LRFN5: variants seen among roughly 807,000 people sequenced by gnomAD.
The protein encoded by LRFN5 is leucine rich repeat and fibronectin type III domain containing 5, also known as leucine-rich repeat and fibronectin type-III domain-containing protein 5.
In LRFN5, 24 loss-of-function variants were observed where a neutral mutation model predicts 45.6. That is an observed-to-expected ratio of 0.53 (90% confidence interval 0.38 to 0.74). The LOEUF (loss-of-function observed/expected upper bound fraction) is 0.74. Ranked by LOEUF, LRFN5 falls within the 30% of genes least tolerant of loss-of-function variation. The pLI, the probability that LRFN5 is intolerant of heterozygous loss-of-function variation, is 0.00. For synonymous variants in LRFN5, 340 were observed against 313.8 expected (o/e 1.08, Z -0.88); for missense variants, 776 against 861.5 (o/e 0.90, Z 1.24).
At chr14:41,862,861 C>CTTTTTTTTTTTTTTTTTTT (rs536861522) in intron 2 of LRFN5, among the ~76,000 whole-genome samples, 1 of 110,232 alleles carries the variant, frequency 9.1e-6, no homozygotes, top group East Asian at 2.7e-4. Context: ...TTAAGTCTCT[C>CTTTTTTTTTTTTTTTTTTT]TTTTTTTTTT....
At chr14:41,687,963 A>T (rs2138698635) in intron 1 of LRFN5, among the ~76,000 whole-genome samples, 1 of 152,356 alleles carries the variant, frequency 6.6e-6, no homozygotes, top group African/African-American at 2.4e-5. Context: ...CAATAAAAAA[A>T]GAAAAGCTTG....
intron 4 of LRFN5, 140 bp downstream of exon 4, chr14:41,892,102 T>C: frequency 9.0e-6 from 13 of 1,445,804 alleles, no homozygotes; most frequent in South Asian, 1.5e-5. Flanking sequence ...TGTCTATGAA[T>C]GTGATGTTTA....
At chr14:41,679,791 G>C (rs1478151468) in intron 1 of LRFN5, among the ~76,000 whole-genome samples, 1 of 152,178 alleles carries the variant, frequency 6.6e-6, no homozygotes, top group Non-Finnish European at 1.5e-5. Context: ...CAATGGAGTA[G>C]AGAATCAAGC....
chr14:41,860,809 T>G (rs1889634466), intron 2 of LRFN5, among the ~76,000 whole-genome samples: 1 of 152,162 alleles, frequency 6.6e-6, no homozygotes, highest in Non-Finnish European at 1.5e-5. Context: ...GACATAGGAC[T>G]TCTTTAGCAG....
intron 2 of LRFN5, among the ~76,000 whole-genome samples, chr14:41,782,663 G>C (rs1372392450): frequency 6.6e-6 from 1 of 152,114 alleles, no homozygotes; most frequent in African/African-American, 2.4e-5. Context: ...GAGGATTTAT[G>C]TTCATTTGGC....
intron 1 of LRFN5, among the ~76,000 whole-genome samples, chr14:41,732,057 T>C (rs572771854): frequency 1.2e-4 from 19 of 152,328 alleles, no homozygotes; most frequent in Non-Finnish European, 2.5e-4. Context: ...CTGAAGCCTA[T>C]TGAAGTCTTG....
chr14:41,778,037 A>C (rs1404215711), intron 2 of LRFN5, among the ~76,000 whole-genome samples: 1 of 149,160 alleles, frequency 6.7e-6, no homozygotes, highest in Non-Finnish European at 1.5e-5. Flanking sequence ...AGAGGGGAAG[A>C]TTATACTTTT....
At chr14:41,663,748 C>A (rs531480231) in intron 1 of LRFN5, among the ~76,000 whole-genome samples, 16 of 151,994 alleles carry the variant, frequency 1.1e-4, no homozygotes, top group Middle Eastern at 3.4e-3. Flanking sequence ...CACTCTGCAA[C>A]CTGGTCTCAC....
intron 1 of LRFN5, among the ~76,000 whole-genome samples, chr14:41,680,557 G>A (rs1881840444): frequency 6.6e-6 from 1 of 152,184 alleles, no homozygotes; most frequent in African/African-American, 2.4e-5. Context: ...GCATTGCTGA[G>A]CTTCAGGTGC....
intron 2 of LRFN5, among the ~76,000 whole-genome samples, chr14:41,844,596 C>T (rs1219543654): frequency 1.3e-5 from 2 of 152,122 alleles, no homozygotes; most frequent in African/African-American, 4.8e-5. Flanking sequence ...TACCACTTTA[C>T]ACTGACACTG....
chr14:41,659,863 C>CTCAAAATAACACAAAAGTGTT (rs1280269201), intron 1 of LRFN5, among the ~76,000 whole-genome samples: 1 of 146,778 alleles, frequency 6.8e-6, no homozygotes, highest in Admixed American at 6.8e-5. Context: ...TGAGAAGTGT[C>CTCAAAATAACACAAAAGTGTT]TGTTCATGTC....
At chr14:41,802,932 C>T (rs746319151) in intron 2 of LRFN5, among the ~76,000 whole-genome samples, 4 of 152,020 alleles carry the variant, frequency 2.6e-5, no homozygotes, top group African/African-American at 7.2e-5. Flanking sequence ...ACCTTTTATT[C>T]GGCATAATCC....
chr14:41,643,459 C>G (rs988245053), intron 1 of LRFN5, among the ~76,000 whole-genome samples: 1 of 152,070 alleles, frequency 6.6e-6, no homozygotes, highest in Non-Finnish European at 1.5e-5. Flanking sequence ...CCCTTTCCCC[C>G]CACATACATA....
chr14:41,764,199 T>TA (rs1282787564), intron 1 of LRFN5, among the ~76,000 whole-genome samples: 2 of 152,302 alleles, frequency 1.3e-5, no homozygotes, highest in African/African-American at 4.8e-5. Context: ...CATTATGAGA[T>TA]ATAAGACATT....
chr14:41,689,334 T>G (rs1488658018), intron 1 of LRFN5, among the ~76,000 whole-genome samples: 1 of 151,948 alleles, frequency 6.6e-6, no homozygotes. Flanking sequence ...TCGAAAAGAT[T>G]AACAACATTG....
intron 2 of LRFN5, among the ~76,000 whole-genome samples, chr14:41,867,808 G>A (rs923045219): frequency 6.6e-6 from 1 of 151,654 alleles, no homozygotes; most frequent in African/African-American, 2.4e-5. Context: ...CTTCCTTGCT[G>A]GCTTCCCTCA....
In LRFN5 at chr14:41,781,656, AGAAAGAAAG is replaced by A. The variant is rs1443821505; in HGVS notation, c.-21+14637_-21+14645del. 2.0e-5 allele frequency among the ~76,000 whole-genome samples: 3 copies of A among 151,232 alleles called. No individual in the cohort carries two copies. The South Asian group carries it at 6.3e-4, about 32-fold the overall frequency. On this transcript the variant is annotated intron_variant, in intron 2 of 5. Coordinates refer to ENST00000298119, the MANE Select transcript of LRFN5 (RefSeq NM_152447.5). ...AAAGGAAAGAAAGAAAGAGAAAGAA[AGAAAGAAAG>A]GAAAGAAAGAAAGAAAGAGAAAGAA...
At chr14:41,720,515 T>C (rs1883672455) in intron 1 of LRFN5, among the ~76,000 whole-genome samples, 1 of 152,108 alleles carries the variant, frequency 6.6e-6, no homozygotes, top group Admixed American at 6.6e-5. Flanking sequence ...GATATAGGTG[T>C]TTAGGGTTAT....
intron 1 of LRFN5, among the ~76,000 whole-genome samples, chr14:41,659,731 A>G (rs1880549241): frequency 2.0e-5 from 3 of 152,060 alleles, no homozygotes; most frequent in Admixed American, 6.6e-5. Flanking sequence ...CTGACTTTTT[A>G]ATGATCGCCA....
Sources: gnomAD v4.1 joint callset for allele counts (sites outside exome capture counted in the v4.1 genomes callset) on GRCh38, gnomAD v4.1.1 for gene constraint, MANE v1.5 for transcripts, NCBI Gene and HGNC (gene_info 2026-07-23, HGNC 2026-07-21) for gene names.